The following USH2A variants were observed in gnomAD, a reference collection of about 807,000 sequenced individuals.
USH2A encodes Usher syndrome 2A (autosomal recessive, mild).
USH2A carries 443 observed loss-of-function variants against 538.9 expected under a neutral mutation model. That is an observed-to-expected ratio of 0.82 (90% confidence interval 0.76 to 0.89). The LOEUF is 0.89. USH2A is among the 40% of genes least tolerant of loss of function. The probability of loss-of-function intolerance (pLI) is 0.00; values close to 1 mark genes in which losing one functional copy is unlikely to be tolerated. For missense variants in USH2A, 6,633 were observed against 6,324.8 expected, an observed-to-expected ratio of 1.05 and a Z score of -1.65; for synonymous variants, 2,413 against 2,273.5, an observed-to-expected ratio of 1.06 and a Z score of -1.75.
intron 4 of USH2A, among the ~76,000 whole-genome samples, chr1:216,330,026 G>C (rs1393982071): frequency 1.3e-5 from 2 of 152,054 alleles, no homozygotes; most frequent in Non-Finnish European, 2.9e-5. Flanking sequence ...ACAAACAGGG[G>C]CTAGCCATTC....
intron 23 of USH2A, among the ~76,000 whole-genome samples, 155 bp downstream of exon 23, chr1:216,088,858 C>A (rs751960597): frequency 2.0e-5 from 3 of 152,104 alleles, no homozygotes; most frequent in Non-Finnish European, 4.4e-5. Flanking sequence ...AGACTTCATC[C>A]TTTTAGGAGC....
intron 49 of USH2A, among the ~76,000 whole-genome samples, chr1:215,805,124 G>C (rs908561883): frequency 6.6e-6 from 1 of 151,974 alleles, no homozygotes; most frequent in Non-Finnish European, 1.5e-5. Context: ...TTACACACAG[G>C]GGCCTGTTGT....
intron 11 of USH2A, among the ~76,000 whole-genome samples, chr1:216,259,330 A>T (rs934697062): frequency 1.3e-5 from 2 of 152,146 alleles, no homozygotes; most frequent in East Asian, 3.9e-4. Context: ...TTAATGTAGT[A>T]ACTACTCAAA....
At position 215,786,694 on chromosome 1, in the gene USH2A, T is replaced by C; in HGVS notation, c.10363A>G (p.Ser3455Gly). The change falls in exon 52 of 72, where the codon AGT becomes GGT. Residue 3455 changes from serine to glycine, a missense_variant. Transcript: ENST00000307340. ...SSAEETIHTG[S>G]VNTYSYTDVN... ...CCTGTGTAAGAGTACGTGTTTACAC[T>C]CCCTGTATGAATGGTTTCTTCGGCA... The C allele has an allele frequency of 1.2e-6, 2 of 1,614,028 alleles. No homozygotes were observed. Among genetic ancestry groups the C allele is most frequent in the South Asian group, 2.2e-5 (2 of 91,078 alleles).
intron 37 of USH2A, among the ~76,000 whole-genome samples, chr1:215,950,224 A>C (rs771319658): frequency 6.6e-6 from 1 of 152,204 alleles, no homozygotes; most frequent in Non-Finnish European, 1.5e-5. Flanking sequence ...TTCAAATAGT[A>C]AGAATAAAAA....
intron 4 of USH2A, among the ~76,000 whole-genome samples, chr1:216,338,339 A>T (rs1361399759): frequency 6.6e-6 from 1 of 151,514 alleles, no homozygotes. Context: ...GATACAGTAG[A>T]GGTGGCTTTA....
intron 9 of USH2A, among the ~76,000 whole-genome samples, chr1:216,308,425 T>C (rs1452495889): frequency 6.6e-6 from 1 of 152,168 alleles, no homozygotes; most frequent in African/African-American, 2.4e-5. Context: ...TTTAGTTTAC[T>C]GATAACCAGT....
chr1:215,841,383 T>C (rs1003997314), intron 46 of USH2A, among the ~76,000 whole-genome samples: 2 of 151,976 alleles, frequency 1.3e-5, no homozygotes, highest in African/African-American at 4.8e-5. Context: ...ATCTCAGAAA[T>C]AAGACTGCAC....
intron 3 of USH2A, among the ~76,000 whole-genome samples, chr1:216,412,458 T>C (rs994946217): frequency 2.7e-4 from 41 of 152,166 alleles, no homozygotes; most frequent in African/African-American, 9.9e-4. Context: ...CTTTAAGCCA[T>C]TGTAGTCTAT....
intron 64 of USH2A, among the ~76,000 whole-genome samples, chr1:215,670,671 G>A (rs565581124): frequency 3.9e-5 from 6 of 152,210 alleles, no homozygotes; most frequent in Non-Finnish European, 5.9e-5. Context: ...TCCTACCAAG[G>A]CAACGCTGAC....
At chr1:215,790,726 A>G (rs2102770505) in intron 50 of USH2A, among the ~76,000 whole-genome samples, 1 of 152,340 alleles carries the variant, frequency 6.6e-6, no homozygotes, top group East Asian at 1.9e-4. Flanking sequence ...GAAAGGTAGC[A>G]CCATCCTAGA....
At chr1:216,129,533 C>T (rs141113697) in intron 21 of USH2A, among the ~76,000 whole-genome samples, 334 of 151,854 alleles carry the variant, frequency 2.2e-3, no homozygotes, top group Non-Finnish European at 3.6e-3. Flanking sequence ...AAAAACAATA[C>T]AACATTGATG....
At chr1:215,630,408 ATGTG>A (rs1163424504) in intron 70 of USH2A, 6 of 383,806 alleles carry the variant, frequency 1.6e-5, no homozygotes, top group Admixed American at 9.1e-5. Context: ...ATATGTATAT[ATGTG>A]TGTGTATATA....
chr1:216,070,206 C>G lies in USH2A; in HGVS notation c.5944G>C (p.Gly1982Arg). The G allele has an allele frequency of 6.2e-7, 1 of 1,613,982 alleles. No individual in the cohort carries two copies. The highest frequency in any genetic ancestry group is 2.2e-5 in the East Asian group (1 of 44,862). ...TTCAGAATGTACTTCTCAATTACACCTCTGACAACAGGTTCATCCCAGGTC... is the reference window on the plus strand; with the variant it reads ...TTCAGAATGTACTTCTCAATTACACGTCTGACAACAGGTTCATCCCAGGTC... Reference protein sequence around the residue: ...EVTWDEPVVRGVIEKYILKAY... With the variant: ...EVTWDEPVVRRVIEKYILKAY... Residue 1982 changes from glycine (G) to arginine (R), a missense_variant, in exon 30 of 72, where the codon GGT (glycine) becomes CGT (arginine). By Grantham distance (125) the Gly-to-Arg change is moderately radical. Coordinates refer to ENST00000307340, the MANE Select transcript of USH2A (RefSeq NM_206933.4).
chr1:216,380,863 C>CA (rs1319529737), intron 3 of USH2A, among the ~76,000 whole-genome samples: 1 of 151,878 alleles, frequency 6.6e-6, no homozygotes, highest in East Asian at 1.9e-4. Flanking sequence ...CATCTTTTAC[C>CA]AAACTCAATA....
intron 47 of USH2A, among the ~76,000 whole-genome samples, chr1:215,829,356 G>T (rs1184950357): frequency 6.6e-6 from 1 of 152,174 alleles, no homozygotes; most frequent in Non-Finnish European, 1.5e-5. Flanking sequence ...ACAAAGATGA[G>T]TTGGTACACT....
chr1:215,880,190 A>C (rs1480353918), intron 41 of USH2A, among the ~76,000 whole-genome samples: 1 of 152,200 alleles, frequency 6.6e-6, no homozygotes, highest in Admixed American at 6.5e-5. Context: ...TGCAAACCAA[A>C]GAGGAGCAAT....
intron 35 of USH2A, among the ~76,000 whole-genome samples, chr1:215,982,094 T>C (rs968442601): frequency 1.3e-5 from 2 of 152,228 alleles, no homozygotes; most frequent in African/African-American, 4.8e-5. Flanking sequence ...AAGCCAATTG[T>C]CTTCTTTTTC....
At chr1:216,174,196 A>C (rs1339392184) in intron 21 of USH2A, 1 of 985,010 alleles carries the variant, frequency 1.0e-6, no homozygotes, top group Admixed American at 6.2e-5. Context: ...CTCGAATTCC[A>C]TTTCATTGTC....
Sources: allele counts gnomAD v4.1 joint callset (sites outside exome capture counted in the v4.1 genomes callset), GRCh38; gene constraint gnomAD v4.1.1; transcripts MANE v1.5; gene names NCBI Gene and HGNC (gene_info 2026-07-23, HGNC 2026-07-21).